Variants in DLGAP2 observed in about 807,000 individuals in gnomAD.
The protein encoded by DLGAP2 is disks large-associated protein 2.
A neutral mutation model predicts 100.3 loss-of-function variants in DLGAP2; 26 were observed. That is an observed-to-expected ratio of 0.26 (90% CI 0.19 to 0.36). DLGAP2 has a LOEUF of 0.36. Ranked by LOEUF, DLGAP2 falls within the 10% of genes least tolerant of loss-of-function variation. The pLI is 1.00. For missense variants in DLGAP2, 1,858 were observed against 1,453.2 expected (o/e 1.28, Z -4.53); for synonymous variants, 886 against 630.1 (o/e 1.41, Z -6.08).
intron 2 of DLGAP2, among the ~76,000 whole-genome samples, chr8:950,329 G>C (rs1799446623): frequency 6.6e-6 from 1 of 152,188 alleles, no homozygotes; most frequent in South Asian, 2.1e-4. Flanking sequence ...ATTTACAAAA[G>C]AGCACTTCCC....
intron 5 of DLGAP2, among the ~76,000 whole-genome samples, chr8:1,564,257 A>G (rs1384295371): frequency 1.3e-5 from 2 of 152,176 alleles, no homozygotes; most frequent in Non-Finnish European, 2.9e-5. Context: ...TGCAGGGAGC[A>G]GCTCCCGCAA....
chr8:1,043,165 T>C (rs1585007459), intron 2 of DLGAP2, among the ~76,000 whole-genome samples: 1 of 111,530 alleles, frequency 9.0e-6, no homozygotes, highest in Non-Finnish European at 1.9e-5. Flanking sequence ...GTGGTGGACG[T>C]GGGTGGTGGG....
chr8:1,224,085 C>G (rs976701683), intron 2 of DLGAP2, among the ~76,000 whole-genome samples: 8 of 152,188 alleles, frequency 5.3e-5, no homozygotes, highest in African/African-American at 1.9e-4. Context: ...ATGTTTGTGG[C>G]ATCGTGGCAG....
intron 3 of DLGAP2, among the ~76,000 whole-genome samples, chr8:1,263,268 C>G (rs1799387319): frequency 6.6e-6 from 1 of 151,990 alleles, no homozygotes; most frequent in African/African-American, 2.4e-5. Context: ...AGGCTAAAAG[C>G]AAAATTCAAG....
chr8:1,310,655 G>GT (rs1800593084), intron 3 of DLGAP2, among the ~76,000 whole-genome samples: 1 of 150,940 alleles, frequency 6.6e-6, no homozygotes. Flanking sequence ...GTTTTTTTTT[G>GT]TTTTTTGTTT....
chr8:1,474,129 A>G (rs1798872499), intron 3 of DLGAP2, among the ~76,000 whole-genome samples: 1 of 152,102 alleles, frequency 6.6e-6, no homozygotes, highest in Non-Finnish European at 1.5e-5. Context: ...AAGAACATTC[A>G]ATATTTGGCT....
chr8:824,036 T>C (rs1379494378), intron 1 of DLGAP2, among the ~76,000 whole-genome samples: 2 of 82,382 alleles, frequency 2.4e-5, no homozygotes, highest in Non-Finnish European at 5.2e-5. Context: ...TTCTTTTTTT[T>C]CTTCTTCTTT....
chr8:1,154,184 G>T, intron 2 of DLGAP2, among the ~76,000 whole-genome samples: 1 of 152,278 alleles, frequency 6.6e-6, no homozygotes. Flanking sequence ...GGTAATGTAA[G>T]GGGTAATTGT....
At chr8:1,011,178 G>A (rs1801271889) in intron 2 of DLGAP2, among the ~76,000 whole-genome samples, 1 of 150,510 alleles carries the variant, frequency 6.6e-6, no homozygotes, top group Admixed American at 6.6e-5. Flanking sequence ...AGTCTACACA[G>A]TGAGCCCTGG....
intron 12 of DLGAP2, among the ~76,000 whole-genome samples, chr8:1,691,000 G>A (rs1022350775): frequency 1.3e-5 from 2 of 152,120 alleles, no homozygotes; most frequent in East Asian, 1.9e-4. Flanking sequence ...CTCTTCCTAC[G>A]TAACACACAC....
chr8:1,283,510 G>T (rs1329168927), intron 3 of DLGAP2, among the ~76,000 whole-genome samples: 1 of 152,226 alleles, frequency 6.6e-6, no homozygotes, highest in Non-Finnish European at 1.5e-5. Flanking sequence ...AATCACTTTA[G>T]CAGCTGCAGA....
chr8:1,081,188 A>G (rs1341196063), intron 2 of DLGAP2, among the ~76,000 whole-genome samples: 1 of 152,154 alleles, frequency 6.6e-6, no homozygotes, highest in Non-Finnish European at 1.5e-5. Flanking sequence ...AATAATAACA[A>G]TAACACATAT....
intron 2 of DLGAP2, among the ~76,000 whole-genome samples, chr8:1,126,055 C>T (rs560550252): frequency 5.9e-5 from 9 of 152,376 alleles, no homozygotes; most frequent in South Asian, 2.1e-4. Flanking sequence ...CCATGGTCTT[C>T]TCCCACATGT....
At chr8:1,373,404 C>T (rs1260922802) in intron 3 of DLGAP2, among the ~76,000 whole-genome samples, 2 of 152,162 alleles carry the variant, frequency 1.3e-5, no homozygotes, top group East Asian at 3.9e-4. Flanking sequence ...CCGCTTGCGT[C>T]CCCGGGCTTC....
chr8:1,171,121 G>T (rs1797119425), intron 2 of DLGAP2, among the ~76,000 whole-genome samples: 2 of 152,110 alleles, frequency 1.3e-5, no homozygotes, highest in African/African-American at 4.8e-5. Flanking sequence ...CTTTATTTCT[G>T]CCTTCATTTC....
chr8:1,030,987 A>G (rs1801955343), intron 2 of DLGAP2, among the ~76,000 whole-genome samples: 1 of 152,190 alleles, frequency 6.6e-6, no homozygotes, highest in South Asian at 2.1e-4. Context: ...AGTTGTTTTC[A>G]TTGTATTTAG....
intron 2 of DLGAP2, among the ~76,000 whole-genome samples, chr8:1,232,935 C>T (rs1798567889): frequency 6.6e-6 from 1 of 152,164 alleles, no homozygotes; most frequent in East Asian, 1.9e-4. Flanking sequence ...CCATTCTAGG[C>T]CCACCCCCTG....
chr8:1,513,564 A>G (rs1800253807), intron 4 of DLGAP2, among the ~76,000 whole-genome samples: 1 of 152,234 alleles, frequency 6.6e-6, no homozygotes, highest in African/African-American at 2.4e-5. Flanking sequence ...TCTCCCAGAG[A>G]CAATACTGCC....
intron 3 of DLGAP2, among the ~76,000 whole-genome samples, chr8:1,419,293 T>C (rs1413997622): frequency 7.0e-6 from 1 of 142,132 alleles, no homozygotes; most frequent in Non-Finnish European, 1.5e-5. Flanking sequence ...ATTGTACATA[T>C]TTGTGGGATA....
Sources: allele counts gnomAD v4.1 joint callset (sites outside exome capture counted in the v4.1 genomes callset), GRCh38; gene constraint gnomAD v4.1.1; transcripts MANE v1.5; gene names NCBI Gene and HGNC (gene_info 2026-07-23, HGNC 2026-07-21).